Variants in CAMKK1 observed in about 807,000 individuals in gnomAD.
CAMKK1 encodes the protein calcium/calmodulin-dependent protein kinase kinase 1.
CAMKK1 carries 20 observed loss-of-function variants against 63.5 expected under a neutral mutation model. That is an observed-to-expected ratio of 0.32 (90% CI 0.22 to 0.46). CAMKK1 has a LOEUF of 0.46. Among genes scored for constraint, CAMKK1 ranks in the 20% least tolerant of loss-of-function variants. The probability of loss-of-function intolerance (pLI) is 1.00; values close to 1 mark genes in which losing one functional copy is unlikely to be tolerated. For missense variants in CAMKK1, 588 were observed against 658.1 expected, an observed-to-expected ratio of 0.89 and a Z score of 1.17; for synonymous variants, 253 against 269.0, an observed-to-expected ratio of 0.94 and a Z score of 0.58.
At chr17:3,875,181 TG>T (rs1476458319) in intron 10 of CAMKK1, among the ~76,000 whole-genome samples, 1 of 152,198 alleles carries the variant, frequency 6.6e-6, no homozygotes, top group East Asian at 1.9e-4. Flanking sequence ...TTGGTGAATC[TG>T]GGTAAAAAGA....
rs572183200 is a variant in CAMKK1 at position 3,890,030 on chromosome 17, G to A, written c.-44+2909C>T. On this transcript the variant is annotated intron_variant, in intron 1 of 15. Coordinates refer to ENST00000348335, the MANE Select transcript of CAMKK1 (RefSeq NM_032294.3). This position sits in a 1 kb window ranked among gnomAD's most constrained non-coding sequence, Gnocchi z 6.5. ...CTACATCCAGGCGAGGGGATGGACAGCCGTGACCAGCAGAGGACCGAACAG... is the reference window on the plus strand; with the variant it reads ...CTACATCCAGGCGAGGGGATGGACAACCGTGACCAGCAGAGGACCGAACAG... Among the ~76,000 whole-genome samples, 5 of 152,362 alleles carry A rather than the reference G, an allele frequency of 3.3e-5. No homozygotes were observed. The South Asian group carries it at 1.0e-3, about 32-fold the overall frequency.
intron 15 of CAMKK1, 37 bp downstream of exon 15, chr17:3,865,871 G>A (rs760620973): frequency 6.2e-7 from 1 of 1,612,926 alleles, no homozygotes; most frequent in Non-Finnish European, 8.5e-7. Context: ...CCCAACTCCA[G>A]GGAGTGCCCG....
intron 14 of CAMKK1, among the ~76,000 whole-genome samples, chr17:3,866,222 A>G (rs2054516558): frequency 6.6e-6 from 1 of 152,172 alleles, no homozygotes; most frequent in African/African-American, 2.4e-5. Context: ...CCACTGGTAC[A>G]TGAGGAGGGG....
chr17:3,870,583 T>G (rs898153054), intron 12 of CAMKK1, among the ~76,000 whole-genome samples: 7 of 152,028 alleles, frequency 4.6e-5, no homozygotes, highest in Non-Finnish European at 1.0e-4. Context: ...GCCAGGATGA[T>G]CTCGATCTCC....
At chr17:3,873,973 C>G (rs534317649) in intron 10 of CAMKK1, among the ~76,000 whole-genome samples, 2 of 152,174 alleles carry the variant, frequency 1.3e-5, no homozygotes, top group African/African-American at 4.8e-5. Flanking sequence ...CCCAAACACC[C>G]CTGGGCCTCC....
chr17:3,873,312 A>C (rs1052270088), intron 11 of CAMKK1, 97 bp downstream of exon 11: 25 of 1,131,378 alleles, frequency 2.2e-5, no homozygotes, highest in Admixed American at 9.5e-5. Flanking sequence ...GGGCTCTTTC[A>C]AAAGCCACTT....
intron 12 of CAMKK1, among the ~76,000 whole-genome samples, chr17:3,870,630 G>T (rs908060237): frequency 6.6e-6 from 1 of 152,096 alleles, no homozygotes; most frequent in Non-Finnish European, 1.5e-5. Context: ...CTCCCAAAGT[G>T]CTGGGATTAC....
At chr17:3,877,400 T>C (rs1320853957) in intron 9 of CAMKK1, among the ~76,000 whole-genome samples, 2 of 152,176 alleles carry the variant, frequency 1.3e-5, no homozygotes, top group Non-Finnish European at 2.9e-5. Context: ...CCCTGCTTTC[T>C]GGGCCCAGCA....
Position 3,873,477 on chromosome 17 carries a change from G to A in CAMKK1, c.997-15C>T, listed in dbSNP as rs565503110. On this transcript the variant is annotated splice_polypyrimidine_tract_variant and intron_variant, in intron 10 of 15. Coordinates refer to ENST00000348335, the MANE Select transcript of CAMKK1 (RefSeq NM_032294.3). Reference sequence around the variant, plus strand: ...ACATCCAAGGCCTGGAAAGAAACATGCTCACATCAGTCCCCAACAGGCACA... The same window carrying A: ...ACATCCAAGGCCTGGAAAGAAACATACTCACATCAGTCCCCAACAGGCACA... The A allele has an allele frequency of 4.2e-5, 68 of 1,613,892 alleles. No homozygotes were observed. The South Asian group carries it at 7.4e-4, about 17-fold the overall frequency.
chr17:3,863,264 G>A (rs1023746746), intron 15 of CAMKK1, among the ~76,000 whole-genome samples: 2 of 152,184 alleles, frequency 1.3e-5, no homozygotes, highest in African/African-American at 2.4e-5. Context: ...GGGAGGCTGA[G>A]GTGGGCAGAT....
rs772494043 is a variant in CAMKK1 at position 3,882,754 on chromosome 17, G to A, written c.649-190C>T. 6.6e-6 allele frequency among the ~76,000 whole-genome samples: 1 copy of A among 152,078 alleles called. No individual in the cohort carries two copies. Among genetic ancestry groups the A allele is most frequent in the Non-Finnish European group, 1.5e-5 (1 of 67,988 alleles). On this transcript the variant is annotated intron_variant, in intron 6 of 15. Transcript: ENST00000348335. The surrounding 1 kb of genome is among the most constrained non-coding windows in gnomAD (Gnocchi z 4.3). ...AAGTCACCGACCCCCAACCTGGCCC[G>A]CCACACGACATCCAGCCTTCCTCCC...
Position 3,863,153 on chromosome 17 carries a change from C to G in CAMKK1, c.1446-870G>C, listed in dbSNP as rs148003562. ...GGGTTTTGATATCTTTAAAAAGGAC[C>G]AACTCCACTTAACTCTACTACTGAG... On this transcript the variant is annotated intron_variant, in intron 15 of 15. Coordinates refer to ENST00000348335, the MANE Select transcript of CAMKK1 (RefSeq NM_032294.3). 4.1e-3 allele frequency among the ~76,000 whole-genome samples: 621 copies of G among 152,170 alleles called. 4 individuals carry two copies. The highest frequency in any genetic ancestry group is 0.013 in the African/African-American group (555 of 41,504).
At chr17:3,867,251 G>A (rs1176988235) in intron 14 of CAMKK1, among the ~76,000 whole-genome samples, 2 of 152,206 alleles carry the variant, frequency 1.3e-5, no homozygotes, top group South Asian at 4.1e-4. Flanking sequence ...CGTGGCCATC[G>A]GGGGTGGGAC....
At chr17:3,881,377 C>G (rs1179158198) in intron 8 of CAMKK1, among the ~76,000 whole-genome samples, 2 of 152,218 alleles carry the variant, frequency 1.3e-5, no homozygotes, top group Non-Finnish European at 2.9e-5. Context: ...CCATCCCTAT[C>G]TTCCTAGTTC....
Position 3,883,348 on chromosome 17 carries a change from G to T in CAMKK1, c.514+81C>A. 6.6e-7 allele frequency: 1 copy of T among 1,507,354 alleles called. No individual in the cohort carries two copies. The highest frequency in any genetic ancestry group is 9.2e-7 in the Non-Finnish European group (1 of 1,083,794). The allele number at this position is 1,507,354 out of a possible 1,614,324, so 93.4% of individuals were successfully genotyped here. ...TGTCTCCCTCTCTACCCCATTCCTA[G>T]CCAAAACTAGCTCAGGATCGAGGTC... is the stretch of plus-strand genomic sequence containing the variant. On this transcript the variant is annotated intron_variant, in intron 5 of 15. Transcript: ENST00000348335. The surrounding 1 kb of genome is among the most constrained non-coding windows in gnomAD (Gnocchi z 4.7).
chr17:3,883,033 AC>A lies in CAMKK1; in HGVS notation c.648+8del. 6.2e-7 allele frequency: 1 copy of A among 1,612,828 alleles called. No individual in the cohort carries two copies. The highest frequency in any genetic ancestry group is 8.5e-7 in the Non-Finnish European group (1 of 1,179,648). On this transcript the variant is annotated splice_region_variant and intron_variant, in intron 6 of 15. Coordinates refer to ENST00000348335, the MANE Select transcript of CAMKK1 (RefSeq NM_032294.3). This position sits in a 1 kb window ranked among gnomAD's most constrained non-coding sequence, Gnocchi z 4.7. ...TGCTGGTTCCCACCTGCTCACCACCACCCCCTACCTCGATCAGTTTGACCAC... is the reference window on the plus strand; with the variant it reads ...TGCTGGTTCCCACCTGCTCACCACCACCCCTACCTCGATCAGTTTGACCAC...
chr17:3,868,010 C>T (rs746198440), intron 14 of CAMKK1, among the ~76,000 whole-genome samples: 1 of 110,688 alleles, frequency 9.0e-6, no homozygotes, highest in Non-Finnish European at 1.8e-5. Flanking sequence ...GATACGCGGG[C>T]TCTGGGGGAG....
In CAMKK1 at chr17:3,890,568, C is replaced by G. The variant is rs1597497469; in HGVS notation, c.-44+2371G>C. 1.3e-6 allele frequency: 1 copy of G among 758,598 alleles called. No homozygotes were observed. The highest frequency in any genetic ancestry group is 2.5e-6 in the Non-Finnish European group (1 of 405,216). The allele number at this position is 758,598 out of a possible 1,614,324, so 47.0% of individuals were successfully genotyped here. On this transcript the variant is annotated intron_variant, in intron 1 of 15. Transcript: ENST00000348335. The surrounding 1 kb of genome is among the most constrained non-coding windows in gnomAD (Gnocchi z 6.5). Reference sequence around the variant, plus strand: ...CAAACCTGCTCGTCCTCCTCTGTCTCCATTGCGAGACGGGTACCACACCCT... The same window carrying G: ...CAAACCTGCTCGTCCTCCTCTGTCTGCATTGCGAGACGGGTACCACACCCT...
At chr17:3,869,111 C>T (rs8078283) in intron 14 of CAMKK1, among the ~76,000 whole-genome samples, 8,169 of 151,374 alleles carry the variant, frequency 0.054, 486 homozygotes, top group African/African-American at 0.15. Flanking sequence ...TGGGACTACA[C>T]GCGCCCGCCA....
Sources: allele counts gnomAD v4.1 joint callset (sites outside exome capture counted in the v4.1 genomes callset), GRCh38; gene constraint gnomAD v4.1.1; non-coding constraint Gnocchi (gnomAD v3.1); transcripts MANE v1.5; gene names NCBI Gene and HGNC (gene_info 2026-07-23, HGNC 2026-07-21).